CPEB4: variants seen among roughly 807,000 people sequenced by gnomAD.
CPEB4 encodes the protein cytoplasmic polyadenylation element binding protein 4, also known as cytoplasmic polyadenylation element-binding protein 4.
Under a neutral mutation model 72.5 loss-of-function variants are expected in CPEB4, and 12 were observed. The ratio of observed to expected loss-of-function variants is 0.17; its 90% CI spans 0.11 to 0.27. The LOEUF is 0.27. CPEB4 is among the 10% of genes least tolerant of loss of function. The probability of loss-of-function intolerance (pLI) is 1.00; values close to 1 mark genes in which losing one functional copy is unlikely to be tolerated. For missense variants in CPEB4, 614 were observed against 908.5 expected (o/e 0.68, Z 4.17); for synonymous variants, 302 against 326.3 (o/e 0.93, Z 0.80).
chr5:173,954,878 G>A (rs531773772), intron 9 of CPEB4, among the ~76,000 whole-genome samples: 31 of 152,228 alleles, frequency 2.0e-4, no homozygotes, highest in African/African-American at 7.0e-4. Context: ...CTCTCCTTAT[G>A]CCTGCTCTTC....
chr5:173,913,173 G>A (rs1227904838), intron 2 of CPEB4, among the ~76,000 whole-genome samples: 1 of 151,192 alleles, frequency 6.6e-6, no homozygotes, highest in African/African-American at 2.4e-5. Flanking sequence ...ACTTAGGTTA[G>A]ATAAAAGAGT....
intron 5 of CPEB4, among the ~76,000 whole-genome samples, chr5:173,946,790 A>G (rs1445971614): frequency 6.6e-6 from 1 of 151,878 alleles, no homozygotes; most frequent in Non-Finnish European, 1.5e-5. Context: ...CTTGCCTAGG[A>G]AAAATCATTT....
Position 173,889,973 on chromosome 5 carries a change from A to G in CPEB4, c.240A>G (p.Ala80=). The G allele has an allele frequency of 6.2e-7, 1 of 1,614,222 alleles. No homozygotes were observed. Among genetic ancestry groups the G allele is most frequent in the Non-Finnish European group, 8.5e-7 (1 of 1,180,024 alleles). Residue 80 remains alanine (A), a synonymous_variant, in exon 1 of 10, where the codon GCA becomes GCG. Transcript: ENST00000265085. ...ATGAGATCTTGGGGTCAGAAAAAGC[A>G]AAAAGTCAGCAACAGGAACAGCAAG... The part of the protein sequence containing the change: ...IQDEILGSEK[A]KSQQQEQQDP...
intron 2 of CPEB4, among the ~76,000 whole-genome samples, chr5:173,919,053 A>T (rs993336500): frequency 1.1e-4 from 17 of 152,138 alleles, no homozygotes; most frequent in Admixed American, 3.9e-4. Flanking sequence ...TTAATACATA[A>T]TTTTTTCTTT....
intron 9 of CPEB4, chr5:173,953,521 A>G (rs1236538612): frequency 2.5e-6 from 1 of 405,410 alleles, no homozygotes; most frequent in Non-Finnish European, 4.4e-6. Context: ...CTTCCATTCA[A>G]TCTCAATCCA....
rs1368829596 is a variant in CPEB4 at position 173,890,673 on chromosome 5, G to A, written c.940G>A (p.Gly314Ser). ...GGYGGWGGSQ[G>S]RDHRRGLNGG... ...ATATGGTGGCTGGGGAGGTTCCCAA[G>A]GCCGAGATCACCGCAGAGGGCTGAA... The change falls in exon 1 of 10, where the codon GGC (glycine) becomes AGC (serine). Residue 314 changes from glycine to serine, a missense_variant. Gly to Ser is a moderately conservative substitution (Grantham distance 56). This residue lies in a region of CPEB4 where 458 missense variants were observed against 548.6 expected (regional missense o/e 0.83). Transcript: ENST00000265085. 6.2e-7 allele frequency: 1 copy of A among 1,614,024 alleles called. No individual in the cohort carries two copies. Among genetic ancestry groups the A allele is most frequent in the Non-Finnish European group, 8.5e-7 (1 of 1,180,012 alleles).
chr5:173,899,103 T>A (rs780480170), intron 1 of CPEB4, among the ~76,000 whole-genome samples: 1 of 152,212 alleles, frequency 6.6e-6, no homozygotes, highest in South Asian at 2.1e-4. Flanking sequence ...TTTTTCTCTC[T>A]TGGTAAAGCA....
intron 2 of CPEB4, among the ~76,000 whole-genome samples, chr5:173,923,460 T>C (rs1034090799): frequency 1.3e-5 from 2 of 152,172 alleles, no homozygotes; most frequent in African/African-American, 4.8e-5. Flanking sequence ...ATCTTGGTGT[T>C]TTTTTATGTT....
chr5:173,907,501 G>GA (rs1487363781), intron 1 of CPEB4, among the ~76,000 whole-genome samples: 2 of 152,234 alleles, frequency 1.3e-5, no homozygotes, highest in Middle Eastern at 3.4e-3. Flanking sequence ...TTAGTTGCAT[G>GA]AAAAACAACA....
At chr5:173,948,263 A>C (rs186752875) in intron 5 of CPEB4, among the ~76,000 whole-genome samples, 4 of 152,342 alleles carry the variant, frequency 2.6e-5, no homozygotes, top group Admixed American at 2.6e-4. Flanking sequence ...AATGGATGCC[A>C]AGGCTCATGA....
intron 2 of CPEB4, among the ~76,000 whole-genome samples, chr5:173,916,708 C>T (rs1375774522): frequency 6.6e-6 from 1 of 152,122 alleles, no homozygotes; most frequent in Non-Finnish European, 1.5e-5. Flanking sequence ...AGTGATGATT[C>T]CATCTGTGCT....
At chr5:173,945,584 A>G (rs1293928173) in intron 5 of CPEB4, among the ~76,000 whole-genome samples, 1 of 152,228 alleles carries the variant, frequency 6.6e-6, no homozygotes, top group Non-Finnish European at 1.5e-5. Flanking sequence ...CAGTTGTACT[A>G]CAAGAAGGAT....
chr5:173,910,695 T>C, intron 2 of CPEB4, 91 bp downstream of exon 2: 1 of 828,558 alleles, frequency 1.2e-6, no homozygotes. Flanking sequence ...GCAAATATTA[T>C]GGAGTCACTT....
In CPEB4 at chr5:173,961,273, G is replaced by T. The variant is rs1758541894; in HGVS notation, c.*5136G>T. 6.6e-6 allele frequency: 1 copy of T among 152,108 alleles called. No homozygotes were observed. The highest frequency in any genetic ancestry group is 1.9e-4 in the East Asian group (1 of 5,194). The allele number at this position is 152,108 out of a possible 1,614,324, so 9.4% of individuals were successfully genotyped here. On this transcript the variant is annotated 3_prime_UTR_variant, in exon 10 of 10. Coordinates refer to ENST00000265085, the MANE Select transcript of CPEB4 (RefSeq NM_030627.4). ...GACACTGGAGATGTGGGTGGCATTTGGTTATCAAGTCTATAATATTCCTAG... is the reference window on the plus strand; with the variant it reads ...GACACTGGAGATGTGGGTGGCATTTTGTTATCAAGTCTATAATATTCCTAG...
At chr5:173,925,078 TG>T (rs1757197269) in intron 2 of CPEB4, among the ~76,000 whole-genome samples, 1 of 151,924 alleles carries the variant, frequency 6.6e-6, no homozygotes, top group South Asian at 2.1e-4. Flanking sequence ...GGTAAGACAT[TG>T]AGGGGCAGAG....
At chr5:173,945,488 C>T (rs1757988039) in intron 5 of CPEB4, among the ~76,000 whole-genome samples, 1 of 152,070 alleles carries the variant, frequency 6.6e-6, no homozygotes, top group East Asian at 1.9e-4. Flanking sequence ...TCCTTTTTCC[C>T]CCCACATTTT....
chr5:173,926,369 A>C (rs1374389259), intron 2 of CPEB4, among the ~76,000 whole-genome samples: 2 of 152,310 alleles, frequency 1.3e-5, no homozygotes, highest in South Asian at 2.1e-4. Context: ...ATGATAGTAC[A>C]TACTGTTCTT....
intron 3 of CPEB4, among the ~76,000 whole-genome samples, chr5:173,940,248 T>C (rs754211242): frequency 2.0e-5 from 3 of 152,200 alleles, no homozygotes; most frequent in African/African-American, 4.8e-5. Context: ...GAGTCTACTT[T>C]TTGGTAACTG....
Position 173,959,693 on chromosome 5 carries a change from A to C in CPEB4, c.*3556A>C, listed in dbSNP as rs1460856859. On this transcript the variant is annotated 3_prime_UTR_variant, in exon 10 of 10. Transcript: ENST00000265085. ...AGAAATCAATCTTTCTACTAATGTA[A>C]ATTTGAGATTATTTTTAAAAATGGA... is the stretch of plus-strand genomic sequence containing the variant. The C allele has an allele frequency of 1.3e-5, 2 of 152,670 alleles. No homozygotes were observed. Among genetic ancestry groups the C allele is most frequent in the African/African-American group, 4.8e-5 (2 of 41,440 alleles). 9.5% of individuals were successfully genotyped at this position (152,670 alleles called of 1,614,324 possible). A position where few individuals can be genotyped will look rare whatever the true frequency, so the allele number is the denominator to read the frequency against.
Sources: gnomAD v4.1 joint callset for allele counts (sites outside exome capture counted in the v4.1 genomes callset) on GRCh38, gnomAD v4.1.1 for gene constraint, gnomAD v4.1.1 regional missense constraint, MANE v1.5 for transcripts, NCBI Gene and HGNC (gene_info 2026-07-23, HGNC 2026-07-21) for gene names.